HIVEP3: variants seen among roughly 807,000 people sequenced by gnomAD.
The protein encoded by HIVEP3 is transcription factor HIVEP3.
Under a neutral mutation model 152.8 loss-of-function variants are expected in HIVEP3, and 49 were observed. The ratio of observed to expected loss-of-function variants is 0.32; its 90% CI spans 0.26 to 0.41. The LOEUF is 0.41. Among genes scored for constraint, HIVEP3 ranks in the 10% least tolerant of loss-of-function variants. The pLI is 1.00. For synonymous variants in HIVEP3, 1,269 were observed against 1,289.0 expected (o/e 0.98, Z 0.33); for missense variants, 2,790 against 3,103.3 (o/e 0.90, Z 2.40).
intron 1 of HIVEP3, among the ~76,000 whole-genome samples, chr1:41,957,966 A>C (rs908422541): frequency 6.6e-6 from 1 of 152,220 alleles, no homozygotes; most frequent in African/African-American, 2.4e-5. Context: ...GATATCCTGG[A>C]AATAGGCCTG....
At chr1:41,876,049 T>C (rs547421094) in intron 1 of HIVEP3, among the ~76,000 whole-genome samples, 2 of 152,160 alleles carry the variant, frequency 1.3e-5, no homozygotes, top group Admixed American at 1.3e-4. Context: ...ACAACTCTCC[T>C]TTCTGGGGAA....
chr1:41,901,925 C>G (rs1393757878), intron 1 of HIVEP3, among the ~76,000 whole-genome samples: 2 of 152,226 alleles, frequency 1.3e-5, no homozygotes, highest in African/African-American at 2.4e-5. Context: ...CTTGTCTGCT[C>G]TATTCACAGC....
intron 1 of HIVEP3, among the ~76,000 whole-genome samples, chr1:41,723,653 A>G (rs762680615): frequency 7.2e-5 from 11 of 152,330 alleles, no homozygotes; most frequent in Non-Finnish European, 1.3e-4. Context: ...ATTAGCAGTC[A>G]AGCAGTAGCA....
At chr1:41,649,184 C>T (rs1021140974) in intron 2 of HIVEP3, among the ~76,000 whole-genome samples, 2 of 152,156 alleles carry the variant, frequency 1.3e-5, no homozygotes, top group African/African-American at 4.8e-5. Flanking sequence ...CCGGAGCCTC[C>T]CACTTGACTT....
intron 5 of HIVEP3, among the ~76,000 whole-genome samples, chr1:41,536,687 CCA>C (rs1437691928): frequency 6.6e-6 from 1 of 152,042 alleles, no homozygotes; most frequent in Non-Finnish European, 1.5e-5. Flanking sequence ...TTCAATGAAA[CCA>C]CAGATTCAGA....
chr1:41,656,441 G>C (rs1195489969), intron 2 of HIVEP3, among the ~76,000 whole-genome samples: 1 of 152,154 alleles, frequency 6.6e-6, no homozygotes, highest in African/African-American at 2.4e-5. Flanking sequence ...CCATACCCTG[G>C]CCCCAATTCC....
At chr1:41,885,014 A>T (rs1274898973) in intron 1 of HIVEP3, among the ~76,000 whole-genome samples, 1 of 152,184 alleles carries the variant, frequency 6.6e-6, no homozygotes, top group Non-Finnish European at 1.5e-5. Flanking sequence ...CAAATTCCAA[A>T]GGCATCCAGT....
At chr1:41,905,044 C>T (rs1277320729) in intron 1 of HIVEP3, among the ~76,000 whole-genome samples, 16 of 152,046 alleles carry the variant, frequency 1.1e-4, no homozygotes, top group Admixed American at 1.0e-3. Context: ...GGCTTTTAGC[C>T]CTGTGGAACA....
intron 1 of HIVEP3, among the ~76,000 whole-genome samples, chr1:41,856,074 G>A (rs1198766303): frequency 6.6e-6 from 1 of 152,220 alleles, no homozygotes; most frequent in Non-Finnish European, 1.5e-5. Context: ...CCCATATGGA[G>A]AATACCAGAG....
At chr1:41,813,763 A>G (rs1651103133) in intron 1 of HIVEP3, among the ~76,000 whole-genome samples, 3 of 152,166 alleles carry the variant, frequency 2.0e-5, no homozygotes, top group African/African-American at 7.2e-5. Flanking sequence ...CCCATGCCAT[A>G]CAACTCTTCC....
intron 1 of HIVEP3, among the ~76,000 whole-genome samples, chr1:41,901,454 C>G (rs1164634003): frequency 1.3e-5 from 2 of 152,004 alleles, no homozygotes; most frequent in Non-Finnish European, 2.9e-5. Context: ...AATCCTCAGA[C>G]AGAGTCTAGG....
intron 1 of HIVEP3, among the ~76,000 whole-genome samples, chr1:41,953,993 G>A (rs1645124694): frequency 6.6e-6 from 1 of 152,148 alleles, no homozygotes; most frequent in South Asian, 2.1e-4. Flanking sequence ...GGCCTTTGGG[G>A]AAACTGAGTT....
chr1:41,640,328 C>A (rs1645353374), intron 2 of HIVEP3, among the ~76,000 whole-genome samples: 1 of 152,066 alleles, frequency 6.6e-6, no homozygotes. Context: ...TCGCTTCCTG[C>A]TATATCAGGC....
At position 41,581,918 on chromosome 1, in the gene HIVEP3, G is replaced by C. The variant is rs535868339; in HGVS notation, c.2880C>G (p.Pro960=). 1 of 1,614,134 alleles carries C rather than the reference G, an allele frequency of 6.2e-7. No individual in the cohort carries two copies. Among genetic ancestry groups the C allele is most frequent in the East Asian group, 2.2e-5 (1 of 44,880 alleles). ...ERDDHGKAEA[P]SPSSDMRPKP... ...TGGGGCGCATGTCAGATGAGGGACT[G>C]GGGGCCTCGGCTTTCCCATGGTCAT... The change falls in exon 4 of 9, where the codon CCC becomes CCG. Residue 960 remains proline (P), a synonymous_variant. Transcript: ENST00000372583. The surrounding 1 kb of genome is among the most constrained non-coding windows in gnomAD (Gnocchi z 4.5).
At chr1:41,943,040 C>T (rs1487904945) in intron 1 of HIVEP3, among the ~76,000 whole-genome samples, 3 of 152,188 alleles carry the variant, frequency 2.0e-5, no homozygotes, top group Non-Finnish European at 4.4e-5. Flanking sequence ...GCTGGGACTA[C>T]AGGCGCCCGC....
intron 3 of HIVEP3, among the ~76,000 whole-genome samples, chr1:41,593,559 C>T (rs939780389): frequency 6.6e-6 from 1 of 152,216 alleles, no homozygotes; most frequent in African/African-American, 2.4e-5. Flanking sequence ...AAAGGGGATA[C>T]ACCTTGAAGC....
intron 1 of HIVEP3, among the ~76,000 whole-genome samples, chr1:42,030,212 G>A (rs1180308897): frequency 1.3e-5 from 2 of 152,124 alleles, no homozygotes; most frequent in Non-Finnish European, 2.9e-5. Context: ...CAGCCCAACA[G>A]AATTCGTAAA....
chr1:41,754,551 A>T (rs1265249237), intron 1 of HIVEP3, among the ~76,000 whole-genome samples: 1 of 152,220 alleles, frequency 6.6e-6, no homozygotes, highest in Non-Finnish European at 1.5e-5. Flanking sequence ...GCCTGGACAG[A>T]CGACTTAGTC....
At chr1:41,893,085 T>G (rs555996134) in intron 1 of HIVEP3, among the ~76,000 whole-genome samples, 1 of 139,914 alleles carries the variant, frequency 7.1e-6, no homozygotes, top group South Asian at 2.2e-4. Flanking sequence ...TTCGTGCAAC[T>G]GCACTCTAGC....
Sources: allele counts gnomAD v4.1 joint callset (sites outside exome capture counted in the v4.1 genomes callset), GRCh38; gene constraint gnomAD v4.1.1; non-coding constraint Gnocchi (gnomAD v3.1); transcripts MANE v1.5; gene names NCBI Gene and HGNC (gene_info 2026-07-23, HGNC 2026-07-21).